Variants in TAGLN3 observed in about 807,000 individuals in gnomAD.
TAGLN3 encodes transgelin-3.
In TAGLN3, 12 loss-of-function variants were observed where a neutral mutation model predicts 25.4. That is an observed-to-expected ratio of 0.47 (90% CI 0.30 to 0.77). The LOEUF is 0.77. TAGLN3 is among the 30% of genes least tolerant of loss of function. TAGLN3 has a pLI of 0.06. For missense variants in TAGLN3, 218 were observed against 255.8 expected (o/e 0.85, Z 1.01); for synonymous variants, 96 against 94.8 (o/e 1.01, Z -0.08).
intron 2 of TAGLN3, 103 bp downstream of exon 2, chr3:111,999,705 C>G: frequency 1.4e-6 from 2 of 1,424,418 alleles, no homozygotes; most frequent in Non-Finnish European, 1.9e-6. Context: ...TGTTGCCAAG[C>G]TCTATGTCTC....
rs1279219846 is a variant in TAGLN3 at position 112,013,816 on chromosome 3, T to G, written c.*265T>G. On this transcript the variant is annotated 3_prime_UTR_variant, in exon 5 of 5. Coordinates refer to ENST00000478951, the MANE Select transcript of TAGLN3 (RefSeq NM_001008272.2). ...TCTGTTTGATTATTTATTTATTTAT[T>G]TATTTATTTGCCAAAAATTCTCCTC... 4.3e-6 allele frequency: 2 copies of G among 460,546 alleles called. No homozygotes were observed. Among genetic ancestry groups the G allele is most frequent in the African/African-American group, 4.0e-5 (2 of 50,346 alleles). 28.5% of individuals were successfully genotyped at this position (460,546 alleles called of 1,614,324 possible).
intron 3 of TAGLN3, among the ~76,000 whole-genome samples, chr3:112,011,376 T>C (rs1478192204): frequency 2.0e-5 from 3 of 152,224 alleles, no homozygotes; most frequent in Non-Finnish European, 2.9e-5. Context: ...ATAAAGGCCC[T>C]ATCACTTGTG....
At chr3:112,010,636 T>C (rs943134117) in intron 3 of TAGLN3, among the ~76,000 whole-genome samples, 4 of 152,200 alleles carry the variant, frequency 2.6e-5, no homozygotes, top group African/African-American at 9.7e-5. Flanking sequence ...CAGTTATTCC[T>C]TGAGTCTGGG....
intron 3 of TAGLN3, among the ~76,000 whole-genome samples, chr3:112,003,541 G>A (rs1255605740): frequency 6.6e-6 from 1 of 152,060 alleles, no homozygotes; most frequent in Non-Finnish European, 1.5e-5. Flanking sequence ...ATGTGAGGGG[G>A]TACATGTTTG....
At chr3:112,001,427 G>A (rs575949834) in intron 3 of TAGLN3, among the ~76,000 whole-genome samples, 2 of 152,298 alleles carry the variant, frequency 1.3e-5, no homozygotes, top group South Asian at 2.1e-4. Flanking sequence ...TTCCAGATAT[G>A]CATTCTGCTC....
At chr3:112,012,836 T>G (rs2072993928) in intron 4 of TAGLN3, among the ~76,000 whole-genome samples, 1 of 152,182 alleles carries the variant, frequency 6.6e-6, no homozygotes, top group Non-Finnish European at 1.5e-5. Flanking sequence ...TCATTAACTC[T>G]TAGGTCCCTT....
intron 3 of TAGLN3, among the ~76,000 whole-genome samples, chr3:112,011,341 T>C (rs2072974892): frequency 6.6e-6 from 1 of 152,172 alleles, no homozygotes; most frequent in South Asian, 2.1e-4. Context: ...ATTGTCTCCA[T>C]TTAGCTGTTT....
chr3:112,009,747 G>A (rs886223055), intron 3 of TAGLN3, among the ~76,000 whole-genome samples: 5 of 152,054 alleles, frequency 3.3e-5, no homozygotes, highest in African/African-American at 9.7e-5. Context: ...ATCTTGCTTT[G>A]GAAAGTTTCT....
intron 3 of TAGLN3, among the ~76,000 whole-genome samples, chr3:112,004,417 A>C (rs933992161): frequency 6.6e-6 from 1 of 151,464 alleles, no homozygotes; most frequent in East Asian, 2.0e-4. Flanking sequence ...AGAGAGAGAG[A>C]GAACATATTA....
At chr3:112,009,458 T>G (rs2072952629) in intron 3 of TAGLN3, among the ~76,000 whole-genome samples, 1 of 152,172 alleles carries the variant, frequency 6.6e-6, no homozygotes, top group Admixed American at 6.5e-5. Context: ...CCCTTTCAGA[T>G]CATCCCTGAT....
chr3:112,007,353 G>A (rs1379207640), intron 3 of TAGLN3, among the ~76,000 whole-genome samples: 1 of 152,126 alleles, frequency 6.6e-6, no homozygotes, highest in Non-Finnish European at 1.5e-5. Context: ...CATCATTGCG[G>A]TGTCATATCA....
chr3:111,999,367 GGCT>G (rs2072827044), intron 1 of TAGLN3, 51 bp from the exon 2 acceptor site: 13 of 1,584,802 alleles, frequency 8.2e-6, no homozygotes, highest in East Asian at 4.5e-5. Context: ...GGGAGCCGGA[GGCT>G]GCTGCTGCTG....
intron 1 of TAGLN3, 22 bp downstream of exon 1, chr3:111,999,136 T>C: frequency 6.3e-6 from 2 of 318,040 alleles, no homozygotes; most frequent in Non-Finnish European, 1.2e-5. Context: ...TTATATCATC[T>C]GGTCTCATTG....
chr3:112,003,767 C>T (rs2072887903), intron 3 of TAGLN3, among the ~76,000 whole-genome samples: 1 of 152,138 alleles, frequency 6.6e-6, no homozygotes, highest in Non-Finnish European at 1.5e-5. Flanking sequence ...TCATGCCCAA[C>T]CTCTCACTCT....
chr3:111,999,704 GCT>G, intron 2 of TAGLN3, 102 bp downstream of exon 2: 2 of 1,435,822 alleles, frequency 1.4e-6, no homozygotes, highest in South Asian at 2.7e-5. Context: ...CTGTTGCCAA[GCT>G]CTATGTCTCA....
chr3:112,007,167 C>T (rs1486454029), intron 3 of TAGLN3, among the ~76,000 whole-genome samples: 2 of 152,154 alleles, frequency 1.3e-5, no homozygotes, highest in Non-Finnish European at 2.9e-5. Context: ...TGCCCTCTCT[C>T]CCCCACAAAT....
Position 111,999,008 on chromosome 3 carries a change from C to T in TAGLN3, c.-109C>T. On this transcript the variant is annotated 5_prime_UTR_variant, in exon 1 of 5. Coordinates refer to ENST00000478951, the MANE Select transcript of TAGLN3 (RefSeq NM_001008272.2). ...GGCTTCCTCCCTGCCTGCTAATTAC[C>T]TGCTCTTCCCGATCTCATCGTTTCT... is the stretch of plus-strand genomic sequence containing the variant. 6.5e-6 allele frequency: 1 copy of T among 154,536 alleles called. No individual in the cohort carries two copies. Among genetic ancestry groups the T allele is most frequent in the Non-Finnish European group, 1.4e-5 (1 of 69,522 alleles). 9.6% of individuals were successfully genotyped at this position (154,536 alleles called of 1,614,324 possible).
At chr3:111,999,308 T>G in intron 1 of TAGLN3, 113 bp from the exon 2 acceptor site, 1 of 1,255,634 alleles carries the variant, frequency 8.0e-7, no homozygotes, top group Non-Finnish European at 1.1e-6. Flanking sequence ...TCTGCCCTCT[T>G]TGCTGCTGCT....
intron 2 of TAGLN3, among the ~76,000 whole-genome samples, chr3:112,000,300 C>G (rs1237260501): frequency 6.6e-6 from 1 of 152,136 alleles, no homozygotes; most frequent in Non-Finnish European, 1.5e-5. Flanking sequence ...ACTTCTTTTA[C>G]ACATTGTTAA....
Sources: allele counts gnomAD v4.1 joint callset (sites outside exome capture counted in the v4.1 genomes callset), GRCh38; gene constraint gnomAD v4.1.1; transcripts MANE v1.5; gene names NCBI Gene and HGNC (gene_info 2026-07-23, HGNC 2026-07-21).